Variants in DMXL2 observed in about 807,000 individuals in gnomAD.
DMXL2 encodes the protein dmX-like protein 2.
DMXL2 carries 103 observed loss-of-function variants against 331.1 expected under a neutral mutation model. That is an observed-to-expected ratio of 0.31 (90% CI 0.27 to 0.37). DMXL2 has a LOEUF of 0.37. DMXL2 is among the 10% of genes least tolerant of loss of function. DMXL2 has a pLI of 1.00. For synonymous variants in DMXL2, 1,281 were observed against 1,252.1 expected (o/e 1.02, Z -0.49); for missense variants, 3,171 against 3,642.9 (o/e 0.87, Z 3.33).
chr15:51,457,710 C>G (rs2039758030), intron 36 of DMXL2: 1 of 389,850 alleles, frequency 2.6e-6, no homozygotes, highest in Non-Finnish European at 4.6e-6. Flanking sequence ...CAAGTTGAAA[C>G]AAAAGTTTGT....
At chr15:51,535,805 C>T (rs1162871054) in intron 12 of DMXL2, 21 bp from the exon 13 acceptor site, 19 of 1,583,418 alleles carry the variant, frequency 1.2e-5, no homozygotes, top group Non-Finnish European at 1.5e-5. Context: ...AAAACAAGGC[C>T]TCTGGGTTCT....
At position 51,564,824 on chromosome 15, in the gene DMXL2, G is replaced by T. The variant is rs187401125; in HGVS notation, c.364+264C>A. On this transcript the variant is annotated intron_variant, in intron 4 of 43. Transcript: ENST00000560891. ...TGGTGTTTCTTAGCAAATACAACAA[G>T]AGTAAAGGGCAGTACACATTAACTA... Among the ~76,000 whole-genome samples, 87 of 152,094 alleles carry T rather than the reference G, an allele frequency of 5.7e-4. 1 individual carries two copies. The East Asian group carries it at 0.014, about 24-fold the overall frequency.
At position 51,462,747 on chromosome 15, in the gene DMXL2, T is replaced by C. The variant is rs537916863; in HGVS notation, c.7926+632A>G. Among the ~76,000 whole-genome samples, 8 of 152,312 alleles carry C rather than the reference T, an allele frequency of 5.3e-5. No homozygotes were observed. In the East Asian group the frequency reaches 1.5e-3, roughly 29 times the overall value. ...ATAGCCAAACAGACTGAAATGCTCA[T>C]ATAAAAGGTCCCACTTTTATAAGGA... On this transcript the variant is annotated intron_variant, in intron 33 of 43. Coordinates refer to ENST00000560891, the MANE Select transcript of DMXL2 (RefSeq NM_001378457.1).
chr15:51,519,295 T>A (rs2047211043), intron 13 of DMXL2, among the ~76,000 whole-genome samples: 1 of 152,062 alleles, frequency 6.6e-6, no homozygotes. Flanking sequence ...TTTTTAATTT[T>A]TTTGTAGAGA....
chr15:51,510,641 C>G (rs554457549), intron 15 of DMXL2, among the ~76,000 whole-genome samples: 1 of 152,114 alleles, frequency 6.6e-6, no homozygotes, highest in Non-Finnish European at 1.5e-5. Context: ...AGATTCAATG[C>G]TATCCCCATC....
chr15:51,504,246 G>A (rs1377298014), intron 16 of DMXL2, among the ~76,000 whole-genome samples: 2 of 152,174 alleles, frequency 1.3e-5, no homozygotes, highest in East Asian at 3.9e-4. Context: ...TTTAAACTCA[G>A]AGAGCTTAGT....
chr15:51,458,400 G>T, intron 36 of DMXL2, 106 bp downstream of exon 36: 1 of 1,232,100 alleles, frequency 8.1e-7, no homozygotes, highest in Non-Finnish European at 1.1e-6. Context: ...CTACCCAAAT[G>T]AAGGAGATAC....
chr15:51,528,119 C>T lies in DMXL2; in HGVS notation c.2436+7544G>A, dbSNP rs531080561. ...AAAAATAAAAAGCAAAAAACTAAAT[C>T]ACACCACCAGCAAAAGTCAACTTCA... On this transcript the variant is annotated intron_variant, in intron 13 of 43. Coordinates refer to ENST00000560891, the MANE Select transcript of DMXL2 (RefSeq NM_001378457.1). 1.1e-3 allele frequency among the ~76,000 whole-genome samples: 169 copies of T among 151,582 alleles called. 1 individual carries two copies. Among genetic ancestry groups the T allele is most frequent in the African/African-American group, 3.9e-3 (163 of 41,478 alleles).
At chr15:51,457,029 A>G (rs1207628485) in intron 37 of DMXL2, among the ~76,000 whole-genome samples, 1 of 152,128 alleles carries the variant, frequency 6.6e-6, no homozygotes, top group African/African-American at 2.4e-5. Flanking sequence ...AAAATTAGCC[A>G]GGCACGCTGG....
chr15:51,571,474 G>A (rs1026334679), intron 2 of DMXL2, among the ~76,000 whole-genome samples: 3 of 152,144 alleles, frequency 2.0e-5, no homozygotes, highest in Non-Finnish European at 4.4e-5. Context: ...CAAATCAACA[G>A]AGTATACATT....
intron 1 of DMXL2, among the ~76,000 whole-genome samples, chr15:51,592,515 T>A (rs550577434): frequency 1.3e-3 from 194 of 152,290 alleles, no homozygotes; most frequent in African/African-American, 4.4e-3. Flanking sequence ...CCAGGAGAAC[T>A]TCCCCAATCC....
At chr15:51,469,968 A>G (rs1489588266) in intron 29 of DMXL2, among the ~76,000 whole-genome samples, 4 of 152,192 alleles carry the variant, frequency 2.6e-5, no homozygotes, top group African/African-American at 9.7e-5. Context: ...TTCAGCACAC[A>G]TTAGAACCAT....
At chr15:51,508,053 T>A (rs1406540730) in intron 15 of DMXL2, among the ~76,000 whole-genome samples, 1 of 152,142 alleles carries the variant, frequency 6.6e-6, no homozygotes, top group Non-Finnish European at 1.5e-5. Flanking sequence ...GTTAAAATTG[T>A]GGCCTCTAAC....
At chr15:51,599,100 T>G (rs892753684) in intron 1 of DMXL2, among the ~76,000 whole-genome samples, 1 of 152,212 alleles carries the variant, frequency 6.6e-6, no homozygotes, top group South Asian at 2.1e-4. Flanking sequence ...CTATCATTTA[T>G]TTTCATACCC....
At chr15:51,573,546 G>A (rs1226190284) in intron 2 of DMXL2, among the ~76,000 whole-genome samples, 11 of 152,308 alleles carry the variant, frequency 7.2e-5, no homozygotes, top group African/African-American at 2.4e-4. Flanking sequence ...GTCCTTTGCA[G>A]GGACATGGAA....
Position 51,472,694 on chromosome 15 carries a change from T to C in DMXL2, c.7214-1293A>G, listed in dbSNP as rs28644300. 9.6e-3 allele frequency among the ~76,000 whole-genome samples: 1,466 copies of C among 152,326 alleles called. 26 individuals carry two copies. The highest frequency in any genetic ancestry group is 0.034 in the African/African-American group (1,407 of 41,584). The stretch of plus-strand genomic sequence containing the variant: ...AGTTCATACAGATTATAGTATGCAT[T>C]AGTACTTCATTCCTTTTATAGCTGA... On this transcript the variant is annotated intron_variant, in intron 28 of 43. Transcript: ENST00000560891.
At chr15:51,554,326 T>A (rs2049410784) in intron 6 of DMXL2, among the ~76,000 whole-genome samples, 2 of 152,178 alleles carry the variant, frequency 1.3e-5, no homozygotes, top group Admixed American at 6.5e-5. Context: ...AAAAGACAAA[T>A]CTGTGAGTTT....
chr15:51,547,991 C>T (rs1191191728), intron 6 of DMXL2, among the ~76,000 whole-genome samples: 7 of 152,036 alleles, frequency 4.6e-5, no homozygotes, highest in Admixed American at 3.3e-4. Flanking sequence ...AGCTCTTGGG[C>T]CACAGTTCTC....
At chr15:51,524,389 C>G (rs905756062) in intron 13 of DMXL2, among the ~76,000 whole-genome samples, 1 of 152,168 alleles carries the variant, frequency 6.6e-6, no homozygotes, top group Non-Finnish European at 1.5e-5. Context: ...GTCCCCCAAG[C>G]AAGAACACCA....
Sources: gnomAD v4.1 joint callset for allele counts (sites outside exome capture counted in the v4.1 genomes callset) on GRCh38, gnomAD v4.1.1 for gene constraint, MANE v1.5 for transcripts, NCBI Gene and HGNC (gene_info 2026-07-23, HGNC 2026-07-21) for gene names.